The following ADK variants were observed in gnomAD, a reference collection of about 807,000 sequenced individuals.
ADK encodes adenosine kinase, also known as N6,N6-dimethyladenosine kinase.
A neutral mutation model predicts 44.7 loss-of-function variants in ADK; 24 were observed. The ratio of observed to expected loss-of-function variants is 0.54; its 90% CI spans 0.39 to 0.76. The LOEUF is 0.76. Among genes scored for constraint, ADK ranks in the 30% least tolerant of loss-of-function variants. The pLI, the probability that ADK is intolerant of heterozygous loss-of-function variation, is 0.00. For missense variants in ADK, 321 were observed against 425.1 expected (o/e 0.76, Z 2.15); for synonymous variants, 128 against 142.6 (o/e 0.90, Z 0.73).
intron 4 of ADK, chr10:74,371,833 T>C (rs1842668525): frequency 1.6e-6 from 2 of 1,286,042 alleles, no homozygotes; most frequent in Non-Finnish European, 1.1e-6. Context: ...ACTCCAATTG[T>C]TGGCCACTTC....
chr10:74,370,302 T>A (rs1842619470), intron 4 of ADK, among the ~76,000 whole-genome samples: 1 of 152,158 alleles, frequency 6.6e-6, no homozygotes, highest in African/African-American at 2.4e-5. Context: ...AAAAACAAAC[T>A]AAAGGAATTT....
chr10:74,260,532 G>A (rs370450815), intron 3 of ADK, among the ~76,000 whole-genome samples: 18 of 152,280 alleles, frequency 1.2e-4, no homozygotes, highest in South Asian at 4.1e-4. Context: ...GATTATAGGC[G>A]TGAGCCACTG....
At chr10:74,607,997 T>C (rs1406390347) in intron 9 of ADK, among the ~76,000 whole-genome samples, 1 of 151,778 alleles carries the variant, frequency 6.6e-6, no homozygotes, top group African/African-American at 2.4e-5. Context: ...CAATCTCTGA[T>C]ATCCTTTCTT....
chr10:74,319,297 A>T (rs1204850264), intron 4 of ADK, among the ~76,000 whole-genome samples: 1 of 152,146 alleles, frequency 6.6e-6, no homozygotes, highest in East Asian at 1.9e-4. Context: ...ACAAAGATTT[A>T]TTTTCTCACA....
At chr10:74,339,777 A>G (rs981204520) in intron 4 of ADK, among the ~76,000 whole-genome samples, 1 of 152,226 alleles carries the variant, frequency 6.6e-6, no homozygotes, top group African/African-American at 2.4e-5. Flanking sequence ...TAACAGAGAT[A>G]TGTTTGTAAC....
At chr10:74,192,486 A>T (rs11000913) in intron 1 of ADK, among the ~76,000 whole-genome samples, 1 of 150,928 alleles carries the variant, frequency 6.6e-6, no homozygotes, top group South Asian at 2.1e-4. Flanking sequence ...TCGGCCTCCC[A>T]AAGTGCTGGG....
chr10:74,514,035 G>A (rs1413878854), intron 6 of ADK, among the ~76,000 whole-genome samples: 3 of 152,176 alleles, frequency 2.0e-5, no homozygotes, highest in Non-Finnish European at 2.9e-5. Flanking sequence ...GCTAGTCTGT[G>A]AAATATTTTA....
intron 4 of ADK, among the ~76,000 whole-genome samples, chr10:74,388,294 A>C (rs1843214141): frequency 6.6e-6 from 1 of 152,218 alleles, no homozygotes; most frequent in Non-Finnish European, 1.5e-5. Flanking sequence ...ATTGACGTTT[A>C]GCAGTGTTAG....
intron 6 of ADK, among the ~76,000 whole-genome samples, chr10:74,515,208 G>T (rs766848123): frequency 2.0e-5 from 3 of 152,156 alleles, no homozygotes; most frequent in Non-Finnish European, 4.4e-5. Flanking sequence ...ATACAGTTTT[G>T]TAGTCTCTGA....
intron 9 of ADK, among the ~76,000 whole-genome samples, chr10:74,667,775 T>C (rs1855017078): frequency 6.6e-6 from 1 of 151,976 alleles, no homozygotes; most frequent in African/African-American, 2.4e-5. Flanking sequence ...CCTCGTGATC[T>C]GCCCACCTCC....
intron 1 of ADK, among the ~76,000 whole-genome samples, chr10:74,200,156 G>GTT (rs760622376): frequency 0.12 from 12,121 of 99,088 alleles, 1,229 homozygotes; most frequent in African/African-American, 0.2. Flanking sequence ...GACACCATCT[G>GTT]TTTTTTTTTT....
intron 3 of ADK, among the ~76,000 whole-genome samples, chr10:74,253,842 C>T (rs1845734149): frequency 6.8e-6 from 1 of 147,896 alleles, no homozygotes; most frequent in Admixed American, 6.8e-5. Flanking sequence ...TCTCTGCTCA[C>T]TGCAACCTCT....
At chr10:74,360,218 A>G (rs1259848579) in intron 4 of ADK, among the ~76,000 whole-genome samples, 1 of 152,048 alleles carries the variant, frequency 6.6e-6, no homozygotes, top group Non-Finnish European at 1.5e-5. Flanking sequence ...ATGTTCTTAC[A>G]TTTCTTATAA....
intron 6 of ADK, among the ~76,000 whole-genome samples, chr10:74,468,862 A>G (rs1384106638): frequency 1.3e-5 from 2 of 152,184 alleles, no homozygotes; most frequent in Admixed American, 6.6e-5. Flanking sequence ...AATTTCAATT[A>G]AAGTATCTAG....
At chr10:74,302,097 TTTTG>T (rs769629153) in intron 3 of ADK, among the ~76,000 whole-genome samples, 129 of 63,786 alleles carry the variant, frequency 2.0e-3, no homozygotes, top group African/African-American at 4.3e-3. Flanking sequence ...TCTGTTTTTT[TTTTG>T]TTTGTTTGTT....
At chr10:74,267,754 T>TTTTGTGTGTGTGTGTGTGTGTGTG (rs1554835954) in intron 3 of ADK, among the ~76,000 whole-genome samples, 16 of 132,842 alleles carry the variant, frequency 1.2e-4, no homozygotes, top group Admixed American at 3.1e-4. Context: ...ATATCCTTAT[T>TTTTGTGTGTGTGTGTGTGTGTGTG]TGTGTGTGTG....
intron 9 of ADK, among the ~76,000 whole-genome samples, chr10:74,619,168 A>G (rs1406250093): frequency 6.6e-6 from 1 of 152,010 alleles, no homozygotes; most frequent in Non-Finnish European, 1.5e-5. Context: ...CAAAACATCC[A>G]GTGAGGCTGG....
chr10:74,320,031 T>C (rs1840756448), intron 4 of ADK, among the ~76,000 whole-genome samples: 1 of 152,214 alleles, frequency 6.6e-6, no homozygotes, highest in Non-Finnish European at 1.5e-5. Context: ...GGCATTTATA[T>C]TTACTATGTA....
At chr10:74,164,180 ATAT>A (rs1841975181) in intron 1 of ADK, among the ~76,000 whole-genome samples, 1 of 152,244 alleles carries the variant, frequency 6.6e-6, no homozygotes. Flanking sequence ...TAGGTTTGAG[ATAT>A]TATAATAAAA....
Sources: allele counts gnomAD v4.1 joint callset (sites outside exome capture counted in the v4.1 genomes callset), GRCh38; gene constraint gnomAD v4.1.1; transcripts MANE v1.5; gene names NCBI Gene and HGNC (gene_info 2026-07-23, HGNC 2026-07-21).